Variants in MAP3K15 observed in about 807,000 individuals in gnomAD.
The protein encoded by MAP3K15 is mitogen-activated protein kinase kinase kinase 15.
In MAP3K15, 124 loss-of-function variants were observed where a neutral mutation model predicts 99.5. The ratio of observed to expected loss-of-function variants is 1.25; its 90% confidence interval spans 1.08 to 1.45. MAP3K15 has a LOEUF of 1.45. Among genes scored for constraint, MAP3K15 ranks in the 40% most tolerant of loss-of-function variants. The probability of loss-of-function intolerance (pLI) is 0.00; values close to 1 mark genes in which losing one functional copy is unlikely to be tolerated. For synonymous variants in MAP3K15, 494 were observed against 439.6 expected (o/e 1.12, Z -1.55); for missense variants, 1,242 against 1,079.7 (o/e 1.15, Z -2.11).
At chrX:19,367,723 A>AC (rs2063344451) in intron 25 of MAP3K15, among the ~76,000 whole-genome samples, 1 of 24,107 alleles carries the variant, frequency 4.1e-5, no homozygotes, top group African/African-American at 1.3e-4. Context: ...ATAACTATGG[A>AC]TTTTTTTTTT....
intron 1 of MAP3K15, among the ~76,000 whole-genome samples, chrX:19,494,836 G>A (rs920276775): frequency 3.8e-5 from 4 of 104,800 alleles, no homozygotes; most frequent in Non-Finnish European, 7.7e-5. Context: ...AACAAAAATT[G>A]GATTGGACAT....
chrX:19,510,886 T>C (rs58833511), intron 1 of MAP3K15, among the ~76,000 whole-genome samples: 1,917 of 112,190 alleles, frequency 0.017, 54 homozygotes, highest in African/African-American at 0.058. Flanking sequence ...CAAGCATTCC[T>C]ATGCACCAAT....
intron 7 of MAP3K15, among the ~76,000 whole-genome samples, chrX:19,430,866 T>TA (rs1448888844): frequency 1.8e-5 from 2 of 110,608 alleles, no homozygotes; most frequent in Non-Finnish European, 3.8e-5. Flanking sequence ...CTTCACTGAC[T>TA]ACCCTATTTA....
chrX:19,417,788 C>G (rs1476967425), intron 9 of MAP3K15, among the ~76,000 whole-genome samples: 1 of 111,985 alleles, frequency 8.9e-6, no homozygotes, highest in Non-Finnish European at 1.9e-5. Flanking sequence ...TGGGAGGCAC[C>G]CCCCAGTAGG....
intron 9 of MAP3K15, among the ~76,000 whole-genome samples, chrX:19,422,164 G>C (rs2063792857): frequency 9.1e-6 from 1 of 109,945 alleles, no homozygotes; most frequent in East Asian, 2.8e-4. Flanking sequence ...GGCAACAAAA[G>C]CCAAAATTGA....
intron 6 of MAP3K15, among the ~76,000 whole-genome samples, chrX:19,441,199 C>CA (rs1196527717): frequency 2.7e-5 from 3 of 111,362 alleles, no homozygotes; most frequent in Non-Finnish European, 5.6e-5. Flanking sequence ...CAGGCAAAGC[C>CA]ATAGAGACAG....
At chrX:19,464,563 A>G (rs1340419196) in intron 3 of MAP3K15, among the ~76,000 whole-genome samples, 157 bp from the exon 4 acceptor site, 2 of 111,417 alleles carry the variant, frequency 1.8e-5, no homozygotes, top group Non-Finnish European at 3.8e-5. Flanking sequence ...AAAACAGGAA[A>G]CCGCTCGATT....
chrX:19,416,599 T>C (rs1323663083), intron 9 of MAP3K15, among the ~76,000 whole-genome samples: 3 of 111,839 alleles, frequency 2.7e-5, no homozygotes, highest in Admixed American at 1.9e-4. Flanking sequence ...GCTTGATATG[T>C]ATTGCAGATT....
intron 6 of MAP3K15, among the ~76,000 whole-genome samples, chrX:19,448,672 C>G (rs1250365819): frequency 2.7e-5 from 3 of 109,126 alleles, no homozygotes; most frequent in African/African-American, 9.8e-5. Context: ...TTTTAAAGTC[C>G]TTTACGCATT....
intron 1 of MAP3K15, among the ~76,000 whole-genome samples, chrX:19,507,834 TA>T (rs1489138919): frequency 9.1e-6 from 1 of 110,382 alleles, no homozygotes; most frequent in East Asian, 2.8e-4. Flanking sequence ...AAAACTATTT[TA>T]AAAAAAGTTC....
chrX:19,411,123 C>A (rs1056332310), intron 11 of MAP3K15, among the ~76,000 whole-genome samples: 14 of 109,358 alleles, frequency 1.3e-4, no homozygotes, highest in African/African-American at 4.7e-4. Context: ...GGCAGAGGTT[C>A]CAGTGAGCCA....
intron 9 of MAP3K15, among the ~76,000 whole-genome samples, chrX:19,423,811 C>T (rs1364850083): frequency 1.8e-5 from 2 of 111,693 alleles, no homozygotes; most frequent in East Asian, 5.6e-4. Flanking sequence ...GATTCATCTT[C>T]GGGGCCCTGG....
intron 12 of MAP3K15, 77 bp downstream of exon 12, chrX:19,409,847 G>C (rs2063673975): frequency 1.2e-6 from 1 of 804,309 alleles, no homozygotes; most frequent in Non-Finnish European, 1.8e-6. Context: ...TTATGAGTAA[G>C]TGGAAACATT....
At chrX:19,406,875 A>T (rs2063652254) in intron 13 of MAP3K15, among the ~76,000 whole-genome samples, 1 of 111,284 alleles carries the variant, frequency 9.0e-6, no homozygotes, top group Non-Finnish European at 1.9e-5. Flanking sequence ...CTAATTTTGT[A>T]TTTTTAGTAG....
At position 19,464,399 on chromosome X, in the gene MAP3K15, C is replaced by T. The variant is rs1190674624; in HGVS notation, c.533G>A (p.Ser178Asn). ...DMVTQKNTAS[S>N]GNYYFIPYIV... Reference sequence around the variant, plus strand: ...GTATGGGATGAAATAATAATTTCCACTGGATGCCTGGAAAAAAGAAACAAA... The same window carrying T: ...GTATGGGATGAAATAATAATTTCCATTGGATGCCTGGAAAAAAGAAACAAA... The change falls in exon 4 of 29, where the codon AGT (serine) becomes AAT (asparagine). Residue 178 changes from serine (S) to asparagine (N), a missense_variant. Ser to Asn is a conservative substitution (Grantham distance 46). Coordinates refer to ENST00000338883, the MANE Select transcript of MAP3K15 (RefSeq NM_001001671.4). The T allele has an allele frequency of 3.4e-6, 4 of 1,174,306 alleles. No homozygotes were observed. The highest frequency in any genetic ancestry group is 3.7e-5 in the South Asian group (2 of 54,063).
intron 3 of MAP3K15, 61 bp from the exon 4 acceptor site, chrX:19,464,467 C>T (rs1363649031): frequency 6.6e-6 from 6 of 915,394 alleles, no homozygotes; most frequent in Non-Finnish European, 7.5e-6. Context: ...AGGCTCTGGG[C>T]AGGTGGCGCC....
intron 3 of MAP3K15, among the ~76,000 whole-genome samples, chrX:19,485,308 CAAAAAAAAAAAAAA>C (rs368987947): frequency 2.5e-4 from 2 of 7,926 alleles, no homozygotes; most frequent in African/African-American, 1.0e-3. Context: ...GACTCTGTCT[CAAAAAAAAAAAAAA>C]AAAAAAAAAA....
chrX:19,413,294 T>C, intron 11 of MAP3K15, 63 bp downstream of exon 11: 1 of 852,485 alleles, frequency 1.2e-6, no homozygotes. Flanking sequence ...TTCCTTCAAA[T>C]ACTACCATCT....
At chrX:19,368,743 T>G (rs1248888837) in intron 25 of MAP3K15, among the ~76,000 whole-genome samples, 6 of 110,852 alleles carry the variant, frequency 5.4e-5, no homozygotes, top group Non-Finnish European at 7.6e-5. Context: ...CCCGTCTTGG[T>G]GAAAAGAGAG....
Sources: allele counts gnomAD v4.1 joint callset (sites outside exome capture counted in the v4.1 genomes callset), GRCh38; gene constraint gnomAD v4.1.1; transcripts MANE v1.5; gene names NCBI Gene and HGNC (gene_info 2026-07-23, HGNC 2026-07-21).